The following IL1RAPL1 variants were observed in gnomAD, a reference collection of about 807,000 sequenced individuals.
IL1RAPL1 encodes interleukin-1 receptor accessory protein-like 1.
IL1RAPL1 carries 3 observed loss-of-function variants against 48.4 expected under a neutral mutation model. The ratio of observed to expected loss-of-function variants is 0.06; its 90% confidence interval spans 0.03 to 0.16. The LOEUF (loss-of-function observed/expected upper bound fraction) is 0.16. Ranked by LOEUF, IL1RAPL1 falls within the 10% of genes least tolerant of loss-of-function variation. The pLI is 1.00. For synonymous variants in IL1RAPL1, 185 were observed against 187.7 expected (o/e 0.99, Z 0.12); for missense variants, 349 against 530.6 (o/e 0.66, Z 3.36).
At position 29,579,315 on chromosome X, in the gene IL1RAPL1, T is replaced by C. The variant is rs185668604; in HGVS notation, c.704-89115T>C. On this transcript the variant is annotated intron_variant, in intron 5 of 10. Coordinates refer to ENST00000378993, the MANE Select transcript of IL1RAPL1 (RefSeq NM_014271.4). ...CAAATGGGAGGAAATGAGGTCACAG[T>C]GAGGCTGATAGCATTGGACATATAA... 4.3e-3 allele frequency among the ~76,000 whole-genome samples: 477 copies of C among 111,844 alleles called. 2 individuals carry two copies. Among genetic ancestry groups the C allele is most frequent in the African/African-American group, 0.015 (461 of 30,867 alleles).
chrX:29,313,289 G>A (rs1369106744), intron 3 of IL1RAPL1, among the ~76,000 whole-genome samples: 13 of 51,516 alleles, frequency 2.5e-4, no homozygotes, highest in East Asian at 1.6e-3. Context: ...GTGTGTGTGC[G>A]CGCGCACATG....
intron 1 of IL1RAPL1, among the ~76,000 whole-genome samples, chrX:28,724,772 C>A (rs189130735): frequency 9.0e-6 from 1 of 110,599 alleles, no homozygotes; most frequent in East Asian, 2.8e-4. Flanking sequence ...CCTTGAGGAG[C>A]TCCAGACCTG....
At chrX:29,836,365 A>G (rs1453439151) in intron 6 of IL1RAPL1, among the ~76,000 whole-genome samples, 4 of 108,394 alleles carry the variant, frequency 3.7e-5, no homozygotes, top group African/African-American at 1.4e-4. Context: ...TAATTTTTGT[A>G]TTTTTAGTAG....
intron 2 of IL1RAPL1, among the ~76,000 whole-genome samples, chrX:28,934,026 T>G (rs1923952559): frequency 9.0e-6 from 1 of 111,217 alleles, no homozygotes; most frequent in Non-Finnish European, 1.9e-5. Context: ...GGCCAGCTTC[T>G]TTACTCCATC....
intron 1 of IL1RAPL1, among the ~76,000 whole-genome samples, chrX:28,733,762 A>G (rs1211584947): frequency 9.0e-6 from 1 of 111,340 alleles, no homozygotes; most frequent in African/African-American, 3.3e-5. Context: ...TTTAAATATC[A>G]TTTGATTGTT....
chrX:28,998,029 C>A (rs1925761630), intron 2 of IL1RAPL1, among the ~76,000 whole-genome samples: 1 of 111,910 alleles, frequency 8.9e-6, no homozygotes, highest in Non-Finnish European at 1.9e-5. Flanking sequence ...CTGGGCTTGT[C>A]CAGGGACGAC....
intron 1 of IL1RAPL1, among the ~76,000 whole-genome samples, chrX:28,703,045 T>C (rs963801258): frequency 8.9e-6 from 1 of 111,799 alleles, no homozygotes; most frequent in Non-Finnish European, 1.9e-5. Flanking sequence ...TGCCCAATTC[T>C]CTTGCCCTTG....
intron 2 of IL1RAPL1, among the ~76,000 whole-genome samples, chrX:29,112,032 C>T (rs1928580940): frequency 9.6e-6 from 1 of 103,870 alleles, no homozygotes; most frequent in African/African-American, 3.5e-5. Context: ...CAGGTTCAAG[C>T]GATTCTCTCA....
chrX:29,120,878 G>T (rs759284665), intron 2 of IL1RAPL1, among the ~76,000 whole-genome samples: 41 of 111,645 alleles, frequency 3.7e-4, no homozygotes, highest in Non-Finnish European at 5.8e-4. Flanking sequence ...TGTATAAATA[G>T]CATCATGCAT....
At chrX:29,143,847 G>T (rs895147753) in intron 2 of IL1RAPL1, among the ~76,000 whole-genome samples, 2 of 111,992 alleles carry the variant, frequency 1.8e-5, no homozygotes, top group African/African-American at 6.5e-5. Flanking sequence ...CTAACCACAG[G>T]TTCAGGCATT....
chrX:29,285,393 A>T (rs769017501), intron 3 of IL1RAPL1, among the ~76,000 whole-genome samples: 11 of 107,740 alleles, frequency 1.0e-4, no homozygotes, highest in Non-Finnish European at 2.1e-4. Context: ...TTAGCCGGGC[A>T]TGATGGTGCA....
chrX:29,672,253 T>A (rs1225152995), intron 6 of IL1RAPL1, among the ~76,000 whole-genome samples: 3 of 111,957 alleles, frequency 2.7e-5, no homozygotes. Flanking sequence ...TAAAAAGAAA[T>A]AATTTTGTTA....
chrX:28,700,379 A>G (rs965549646), intron 1 of IL1RAPL1, among the ~76,000 whole-genome samples: 10 of 110,592 alleles, frequency 9.0e-5, no homozygotes, highest in African/African-American at 3.3e-4. Flanking sequence ...TGGATGTCCT[A>G]CTCATTTCAT....
chrX:29,092,904 T>C (rs1384798027), intron 2 of IL1RAPL1, among the ~76,000 whole-genome samples: 6 of 112,048 alleles, frequency 5.4e-5, no homozygotes, highest in Non-Finnish European at 1.1e-4. Flanking sequence ...CCTGGCAACA[T>C]GTTGTGAGTG....
intron 6 of IL1RAPL1, among the ~76,000 whole-genome samples, chrX:29,735,777 A>G (rs961460109): frequency 1.8e-5 from 2 of 111,938 alleles, no homozygotes; most frequent in African/African-American, 6.5e-5. Context: ...TAGATATTCC[A>G]CCAATATGTC....
At chrX:28,647,068 A>G (rs1410513402) in intron 1 of IL1RAPL1, among the ~76,000 whole-genome samples, 1 of 111,612 alleles carries the variant, frequency 9.0e-6, no homozygotes, top group South Asian at 3.8e-4. Context: ...CATACTTAAA[A>G]GGAAATTTCT....
At chrX:28,677,639 G>GT (rs979551328) in intron 1 of IL1RAPL1, among the ~76,000 whole-genome samples, 1 of 109,952 alleles carries the variant, frequency 9.1e-6, no homozygotes, top group Non-Finnish European at 1.9e-5. Flanking sequence ...CCAGGCTGGA[G>GT]TGCAGTGGGG....
intron 2 of IL1RAPL1, among the ~76,000 whole-genome samples, chrX:28,917,623 A>G (rs776448393): frequency 3.6e-5 from 4 of 111,986 alleles, no homozygotes; most frequent in Non-Finnish European, 7.5e-5. Context: ...AGGTTGAGGC[A>G]ATACCTGTTC....
chrX:28,590,257 G>A (rs950943744), intron 1 of IL1RAPL1, among the ~76,000 whole-genome samples: 2 of 111,309 alleles, frequency 1.8e-5, no homozygotes, highest in African/African-American at 6.5e-5. Context: ...ATCTAGTTGT[G>A]CTATTTCCTA....
Sources: gnomAD v4.1 joint callset for allele counts (sites outside exome capture counted in the v4.1 genomes callset) on GRCh38, gnomAD v4.1.1 for gene constraint, MANE v1.5 for transcripts, NCBI Gene and HGNC (gene_info 2026-07-23, HGNC 2026-07-21) for gene names.